The following FAM193A variants were observed in gnomAD, a reference collection of about 807,000 sequenced individuals.
FAM193A encodes protein FAM193A.
FAM193A carries 22 observed loss-of-function variants against 126.5 expected under a neutral mutation model. The ratio of observed to expected loss-of-function variants is 0.17; its 90% CI spans 0.12 to 0.25. The LOEUF (loss-of-function observed/expected upper bound fraction) is 0.25. Among genes scored for constraint, FAM193A ranks in the 10% least tolerant of loss-of-function variants. The pLI is 1.00. For missense variants in FAM193A, 1,675 were observed against 1,672.8 expected (o/e 1.00, Z -0.02); for synonymous variants, 761 against 646.8 (o/e 1.18, Z -2.68).
chr4:2,572,498 G>A (rs925963026), intron 1 of FAM193A, among the ~76,000 whole-genome samples: 12 of 152,128 alleles, frequency 7.9e-5, no homozygotes, highest in Non-Finnish European at 1.5e-4. Flanking sequence ...TAGGGACACT[G>A]TATGTCCTCC....
intron 5 of FAM193A, among the ~76,000 whole-genome samples, chr4:2,637,641 CAGTTCT>C (rs1212964556): frequency 1.3e-5 from 2 of 152,238 alleles, no homozygotes; most frequent in Non-Finnish European, 2.9e-5. Context: ...TCTAGCTCAG[CAGTTCT>C]TCCATAGGCC....
At chr4:2,669,090 G>A (rs567332445) in intron 12 of FAM193A, among the ~76,000 whole-genome samples, 42 of 151,776 alleles carry the variant, frequency 2.8e-4, no homozygotes, top group Non-Finnish European at 3.4e-4. Context: ...TGACCTACCC[G>A]CCTTGGCCTC....
intron 19 of FAM193A, chr4:2,708,224 C>G (rs1341497047): frequency 4.5e-6 from 2 of 440,252 alleles, no homozygotes; most frequent in South Asian, 1.6e-5. Flanking sequence ...CTCCCAGGTT[C>G]AAGCGATTGT....
intron 20 of FAM193A, among the ~76,000 whole-genome samples, chr4:2,724,269 T>A (rs1170093477): frequency 6.6e-6 from 1 of 152,146 alleles, no homozygotes; most frequent in Non-Finnish European, 1.5e-5. Context: ...TTCCCAACTT[T>A]CTATATTCAT....
chr4:2,660,030 C>T lies in FAM193A; in HGVS notation c.1721C>T (p.Thr574Ile). The T allele has an allele frequency of 6.2e-7, 1 of 1,614,070 alleles. No homozygotes were observed. The highest frequency in any genetic ancestry group is 8.5e-7 in the Non-Finnish European group (1 of 1,179,926). Residue 574 changes from threonine (T) to isoleucine (I), a missense_variant, in exon 10 of 21, where the codon ACA becomes ATA. Around this residue, in one of 4 missense-constraint regions of FAM193A, gnomAD observed 1,186 missense variants for 1,109.2 expected, o/e 1.07. Transcript: ENST00000637812. ...CAGCAGCACCCCAGGCTCATCCTCACAGACAGTGGCTCGGCACCAACTTTG... is the reference window on the plus strand; with the variant it reads ...CAGCAGCACCCCAGGCTCATCCTCATAGACAGTGGCTCGGCACCAACTTTG... ...TIQQHPRLILTDSGSAPTFCS... is the reference protein window; with the variant it reads ...TIQQHPRLILIDSGSAPTFCS...
chr4:2,684,820 T>C (rs1278175153), intron 13 of FAM193A, among the ~76,000 whole-genome samples: 1 of 152,206 alleles, frequency 6.6e-6, no homozygotes, highest in Admixed American at 6.5e-5. Flanking sequence ...GTTACCAAAG[T>C]GTTCAGTGTC....
chr4:2,583,625 T>C (rs1289901585), intron 1 of FAM193A, among the ~76,000 whole-genome samples: 1 of 152,196 alleles, frequency 6.6e-6, no homozygotes, highest in Non-Finnish European at 1.5e-5. Flanking sequence ...TGCAAAGTAA[T>C]GCAGGCTTTC....
chr4:2,669,154 A>G (rs990539152), intron 12 of FAM193A, among the ~76,000 whole-genome samples: 4 of 152,156 alleles, frequency 2.6e-5, no homozygotes, highest in Admixed American at 2.0e-4. Flanking sequence ...GTATTTATAC[A>G]GTGTTTTCTA....
At chr4:2,662,161 A>G (rs1712533845) in intron 10 of FAM193A, among the ~76,000 whole-genome samples, 1 of 152,070 alleles carries the variant, frequency 6.6e-6, no homozygotes, top group African/African-American at 2.4e-5. Context: ...CCAGCCTGGG[A>G]GACAGAGCAA....
At chr4:2,718,165 TA>T (rs1249355552) in intron 20 of FAM193A, among the ~76,000 whole-genome samples, 1 of 151,332 alleles carries the variant, frequency 6.6e-6, no homozygotes, top group Non-Finnish European at 1.5e-5. Context: ...AAAGAATATA[TA>T]AAGAAGGAGA....
At chr4:2,654,187 A>G (rs969409808) in intron 7 of FAM193A, among the ~76,000 whole-genome samples, 1 of 152,092 alleles carries the variant, frequency 6.6e-6, no homozygotes, top group African/African-American at 2.4e-5. Flanking sequence ...CTGTTCACAA[A>G]TAAGTATGTA....
intron 1 of FAM193A, among the ~76,000 whole-genome samples, chr4:2,552,268 C>T (rs557234561): frequency 1.5e-4 from 23 of 151,872 alleles, no homozygotes; most frequent in Non-Finnish European, 3.2e-4. Flanking sequence ...GCCTCGGCCT[C>T]CCAAAGTGCT....
At chr4:2,606,211 C>T (rs1001286546) in intron 2 of FAM193A, among the ~76,000 whole-genome samples, 8 of 151,382 alleles carry the variant, frequency 5.3e-5, no homozygotes, top group African/African-American at 1.2e-4. Flanking sequence ...CCACTGCGCC[C>T]GGCTAATTTT....
chr4:2,704,857 A>G (rs1418413746), intron 19 of FAM193A, among the ~76,000 whole-genome samples: 5 of 152,228 alleles, frequency 3.3e-5, no homozygotes, highest in East Asian at 3.8e-4. Context: ...TTTTCTATTC[A>G]TACCTATTTC....
chr4:2,573,773 C>T (rs1577025452), intron 1 of FAM193A, among the ~76,000 whole-genome samples: 3 of 152,072 alleles, frequency 2.0e-5, no homozygotes, highest in African/African-American at 4.8e-5. Context: ...TGTCCCGTGG[C>T]GGGAAGAGGT....
chr4:2,684,591 A>T (rs986764186), intron 13 of FAM193A, among the ~76,000 whole-genome samples: 5 of 152,108 alleles, frequency 3.3e-5, no homozygotes, highest in African/African-American at 1.2e-4. Flanking sequence ...CTCTGTGAGA[A>T]CCACAGCCCT....
intron 6 of FAM193A, among the ~76,000 whole-genome samples, chr4:2,641,261 G>C (rs1744594022): frequency 6.6e-6 from 1 of 151,508 alleles, no homozygotes; most frequent in African/African-American, 2.4e-5. Context: ...TGGCCAGGGT[G>C]GTCTTGAACT....
intron 20 of FAM193A, among the ~76,000 whole-genome samples, chr4:2,727,014 A>G (rs888644515): frequency 6.6e-6 from 1 of 151,232 alleles, no homozygotes; most frequent in Non-Finnish European, 1.5e-5. Flanking sequence ...TAATCCCACT[A>G]CTTTGGGAGG....
intron 1 of FAM193A, among the ~76,000 whole-genome samples, chr4:2,592,153 G>A (rs896390996): frequency 4.6e-5 from 7 of 152,008 alleles, no homozygotes; most frequent in South Asian, 2.1e-4. Context: ...ATGCAGTGGC[G>A]CGATATCCGC....
Sources: allele counts gnomAD v4.1 joint callset (sites outside exome capture counted in the v4.1 genomes callset), GRCh38; gene constraint gnomAD v4.1.1; regional missense constraint gnomAD v4.1.1; transcripts MANE v1.5; gene names NCBI Gene and HGNC (gene_info 2026-07-23, HGNC 2026-07-21).